HSD17B4: variants seen among roughly 807,000 people sequenced by gnomAD.
HSD17B4 encodes hydroxysteroid 17-beta dehydrogenase 4.
Under a neutral mutation model 101.0 loss-of-function variants are expected in HSD17B4, and 70 were observed. That is an observed-to-expected ratio of 0.69 (90% confidence interval 0.57 to 0.85). The LOEUF (loss-of-function observed/expected upper bound fraction) is 0.85. Ranked by LOEUF, HSD17B4 falls within the 40% of genes least tolerant of loss-of-function variation. HSD17B4 has a pLI of 0.00. For missense variants in HSD17B4, 984 were observed against 892.4 expected, an observed-to-expected ratio of 1.10 and a Z score of -1.31; for synonymous variants, 347 against 297.1, an observed-to-expected ratio of 1.17 and a Z score of -1.73.
At chr5:119,471,944 T>C (rs1430201833) in intron 2 of HSD17B4, among the ~76,000 whole-genome samples, 3 of 152,218 alleles carry the variant, frequency 2.0e-5, no homozygotes, top group African/African-American at 4.8e-5. Context: ...AACACCATTC[T>C]TATACATTTG....
chr5:119,511,428 T>C (rs892529128), intron 16 of HSD17B4, among the ~76,000 whole-genome samples: 2 of 151,794 alleles, frequency 1.3e-5, no homozygotes, highest in Admixed American at 6.6e-5. Flanking sequence ...AACCTCAAAG[T>C]CTGGCCTCAA....
chr5:119,472,422 C>T (rs1053000267), intron 2 of HSD17B4: 4 of 151,452 alleles, frequency 2.6e-5, no homozygotes, highest in Non-Finnish European at 4.4e-5. Context: ...ACTTATTTAT[C>T]TTGCATAATT....
chr5:119,509,111 C>A lies in HSD17B4; in HGVS notation c.1334-30C>A, dbSNP rs533909891. On this transcript the variant is annotated intron_variant, in intron 15 of 23. Transcript: ENST00000510025. ...TAGTTATGCCTTTTGGTGGTAACTT[C>A]TTTTATTTTTTCTTTTATTTACTTT... 2.0e-4 allele frequency: 249 copies of A among 1,249,554 alleles called. 1 individual carries two copies. The highest frequency in any genetic ancestry group is 2.9e-4 in the Non-Finnish European group (243 of 850,486). 77.4% of individuals were successfully genotyped at this position (1,249,554 alleles called of 1,614,324 possible). A position where few individuals can be genotyped will look rare whatever the true frequency, so the allele number is the denominator to read the frequency against.
intron 8 of HSD17B4, among the ~76,000 whole-genome samples, chr5:119,488,285 A>G (rs1749787862): frequency 6.6e-6 from 1 of 152,078 alleles, no homozygotes; most frequent in Non-Finnish European, 1.5e-5. Flanking sequence ...ACCAAAATCA[A>G]AGTCTTCATG....
rs142141053 is a variant in HSD17B4, at chr5:119,478,995, G to A, written c.596G>A (p.Arg199Gln). 8.1e-6 allele frequency: 13 copies of A among 1,613,360 alleles called. No homozygotes were observed. The highest frequency in any genetic ancestry group is 2.7e-5 in the African/African-American group (2 of 74,862). The change falls in exon 8 of 24, where the codon CGG (arginine) becomes CAG (glutamine). Residue 199 changes from arginine to glutamine, a missense_variant. By Grantham distance (43) the Arg-to-Gln change is conservative. Coordinates refer to ENST00000510025, the MANE Select transcript of HSD17B4 (RefSeq NM_000414.4). ...ACCATTGCTCCTAATGCGGGATCAC[G>A]GATGACTCAGACAGTTATGCCTGAA... ...CNTIAPNAGS[R>Q]MTQTVMPEDL...
At chr5:119,541,669 A>G (rs1187293928) in intron 23 of HSD17B4, among the ~76,000 whole-genome samples, 2 of 152,212 alleles carry the variant, frequency 1.3e-5, no homozygotes, top group Non-Finnish European at 2.9e-5. Context: ...CCATGAGTTC[A>G]GATAAATTAT....
In HSD17B4 at chr5:119,508,912, A is replaced by T. The variant is rs73249978; in HGVS notation, c.1334-229A>T. The stretch of plus-strand genomic sequence containing the variant: ...GTGAAAGAACTGCTATTTCATAGTT[A>T]AGAAAGGATTTTTGAAGCTCCTCTT... On this transcript the variant is annotated intron_variant, in intron 15 of 23. Transcript: ENST00000510025. Among the ~76,000 whole-genome samples the T allele has an allele frequency of 0.12, 18,562 of 152,242 alleles. 1,244 individuals are homozygous for T. Among genetic ancestry groups the T allele is most frequent in the South Asian group, 0.15 (714 of 4,824 alleles).
chr5:119,509,385 C>G (rs897721191), intron 16 of HSD17B4, 141 bp downstream of exon 16: 8 of 726,112 alleles, frequency 1.1e-5, no homozygotes, highest in Non-Finnish European at 2.0e-5. Context: ...CCCTGGGACA[C>G]CAAGACCAGT....
In HSD17B4 at chr5:119,452,938, T is replaced by C. The variant is rs919962393; in HGVS notation, c.58+305T>C. On this transcript the variant is annotated intron_variant, in intron 1 of 23. Transcript: ENST00000510025. ...GGGTGAAAGTTCTCCCTGACCCTTA[T>C]CTGTGGGCATCGATTGTTACTCTTC... The C allele has an allele frequency of 2.9e-5, 32 of 1,117,212 alleles. No individual in the cohort carries two copies. The African/African-American group carries it at 3.1e-4, about 11-fold the overall frequency. 69.2% of individuals were successfully genotyped at this position (1,117,212 alleles called of 1,614,324 possible). A position where few individuals can be genotyped will look rare whatever the true frequency, so the allele number is the denominator to read the frequency against.
intron 8 of HSD17B4, among the ~76,000 whole-genome samples, chr5:119,483,154 T>C (rs576392261): frequency 1.6e-4 from 24 of 152,258 alleles, no homozygotes; most frequent in African/African-American, 5.3e-4. Context: ...GTAAAACTTA[T>C]AAAAGTGTTG....
intron 17 of HSD17B4, among the ~76,000 whole-genome samples, chr5:119,522,166 A>G (rs1426376921): frequency 6.6e-6 from 1 of 151,538 alleles, no homozygotes; most frequent in Non-Finnish European, 1.5e-5. Flanking sequence ...ATTCCCACGT[A>G]TGAGTGAGAA....
chr5:119,460,807 GA>G (rs202032132), intron 2 of HSD17B4, among the ~76,000 whole-genome samples: 1 of 152,094 alleles, frequency 6.6e-6, no homozygotes, highest in Non-Finnish European at 1.5e-5. Context: ...GTGCTGTGGA[GA>G]AAAAAATGAG....
intron 16 of HSD17B4, chr5:119,509,578 C>G: frequency 5.1e-6 from 2 of 392,340 alleles, no homozygotes; most frequent in Non-Finnish European, 4.8e-6. Flanking sequence ...TTCTCAGAGA[C>G]AAGTGAATGT....
Position 119,539,564 on chromosome 5 carries a change from C to A in HSD17B4, c.2122-2341C>A, listed in dbSNP as rs186679939. 6.9e-4 allele frequency among the ~76,000 whole-genome samples: 104 copies of A among 151,042 alleles called. 1 individual carries two copies. Among genetic ancestry groups the A allele is most frequent in the African/African-American group, 2.4e-3 (99 of 41,060 alleles). On this transcript the variant is annotated intron_variant, in intron 23 of 23. Coordinates refer to ENST00000510025, the MANE Select transcript of HSD17B4 (RefSeq NM_000414.4). ...AAACCTGCGCATTGTGCACATGTACCCTAGAACTTAAAGTATAATAATAAT... is the reference window on the plus strand; with the variant it reads ...AAACCTGCGCATTGTGCACATGTACACTAGAACTTAAAGTATAATAATAAT...
intron 17 of HSD17B4, among the ~76,000 whole-genome samples, chr5:119,523,506 A>T (rs1384151873): frequency 6.6e-6 from 1 of 152,092 alleles, no homozygotes; most frequent in Non-Finnish European, 1.5e-5. Flanking sequence ...TGGGTCAAAC[A>T]TCTAGTCAGT....
Position 119,499,514 on chromosome 5 carries a change from A to G in HSD17B4, c.1170A>G (p.Gly390=). 1 of 1,613,478 alleles carries G rather than the reference A, an allele frequency of 6.2e-7. No individual in the cohort carries two copies. Among genetic ancestry groups the G allele is most frequent in the Non-Finnish European group, 8.5e-7 (1 of 1,179,456 alleles). ...GTCAGAAATCTATGATGGGTGGAGG[A>G]TTAGCAGAAATTCCTGGACTTTCAA... The part of the protein sequence containing the change: ...IIGQKSMMGG[G]LAEIPGLSIN... Residue 390 remains glycine, a synonymous_variant, in exon 13 of 24, where the codon GGA becomes GGG. Transcript: ENST00000510025.
chr5:119,515,016 T>C lies in HSD17B4; in HGVS notation c.1473T>C (p.Ala491=). Residue 491 remains alanine (A), a synonymous_variant, in exon 17 of 24, where the codon GCT becomes GCC. Transcript: ENST00000510025. ...CCATACCTAATAGACCTCCTGATGCTGTACTTACAGATACCACCTCTCTTA... is the reference window on the plus strand; with the variant it reads ...CCATACCTAATAGACCTCCTGATGCCGTACTTACAGATACCACCTCTCTTA... ...AVAIPNRPPD[A]VLTDTTSLNQ... 6.3e-7 allele frequency: 1 copy of C among 1,586,790 alleles called. No homozygotes were observed.
At chr5:119,510,256 C>T (rs552327030) in intron 16 of HSD17B4, among the ~76,000 whole-genome samples, 3 of 152,202 alleles carry the variant, frequency 2.0e-5, no homozygotes, top group African/African-American at 4.8e-5. Flanking sequence ...TCTTTGCAGA[C>T]CCCAAAAGTT....
intron 17 of HSD17B4, among the ~76,000 whole-genome samples, chr5:119,516,128 A>G (rs1561478058): frequency 1.3e-5 from 2 of 151,898 alleles, no homozygotes; most frequent in Non-Finnish European, 1.5e-5. Context: ...GTACATATGT[A>G]TTTTTTTTCT....
Sources: gnomAD v4.1 joint callset for allele counts (sites outside exome capture counted in the v4.1 genomes callset) on GRCh38, gnomAD v4.1.1 for gene constraint, MANE v1.5 for transcripts, NCBI Gene and HGNC (gene_info 2026-07-23, HGNC 2026-07-21) for gene names.